The following SSPN variants were observed in gnomAD, a reference collection of about 807,000 sequenced individuals.
SSPN encodes the protein sarcospan.
Under a neutral mutation model 19.1 loss-of-function variants are expected in SSPN, and 15 were observed. The observed-to-expected ratio is 0.78, with a 90% CI of 0.52 to 1.21. The LOEUF (loss-of-function observed/expected upper bound fraction) is 1.21. SSPN is among the 50% of genes most tolerant of loss of function. The pLI is 0.00. For synonymous variants in SSPN, 147 were observed against 140.3 expected (o/e 1.05, Z -0.34); for missense variants, 291 against 314.0 (o/e 0.93, Z 0.55).
At chr12:26,142,411 A>G (rs1423014244) in intron 1 of SSPN, among the ~76,000 whole-genome samples, 2 of 152,186 alleles carry the variant, frequency 1.3e-5, no homozygotes, top group African/African-American at 2.4e-5. Flanking sequence ...GGTGCGTTCC[A>G]TGGGATTGGT....
chr12:26,190,991 C>T (rs925046206), upstream of SSPN, among the ~76,000 whole-genome samples: 10 of 152,184 alleles, frequency 6.6e-5, no homozygotes, highest in African/African-American at 2.4e-4. Flanking sequence ...AACTTTTATA[C>T]AAATGGAATT....
upstream of SSPN, among the ~76,000 whole-genome samples, chr12:26,193,905 CT>C: frequency 6.6e-6 from 1 of 152,330 alleles, no homozygotes; most frequent in South Asian, 2.1e-4. Flanking sequence ...GAAGTACATA[CT>C]TTTTGTCTTC....
chr12:26,212,447 T>C (rs933909865), intron 1 of SSPN, among the ~76,000 whole-genome samples: 4 of 152,112 alleles, frequency 2.6e-5, no homozygotes, highest in Non-Finnish European at 5.9e-5. Context: ...TTTTACCATC[T>C]TCTTTTAAAA....
chr12:26,144,641 T>C (rs1217129747), intron 1 of SSPN, among the ~76,000 whole-genome samples: 1 of 152,194 alleles, frequency 6.6e-6, no homozygotes, highest in East Asian at 1.9e-4. Flanking sequence ...ATACAACTTA[T>C]GGCAATTATT....
At chr12:26,209,795 C>CGTGTGT (rs56680376) in intron 1 of SSPN, among the ~76,000 whole-genome samples, 12 of 144,988 alleles carry the variant, frequency 8.3e-5, no homozygotes, top group Non-Finnish European at 1.2e-4. Context: ...ATTCTTAGAG[C>CGTGTGT]GTGTGTGTGT....
intron 1 of SSPN, among the ~76,000 whole-genome samples, chr12:26,146,972 A>C (rs978175425): frequency 6.6e-6 from 1 of 152,222 alleles, no homozygotes; most frequent in Non-Finnish European, 1.5e-5. Flanking sequence ...TAAAGCTTCA[A>C]TGTGCAGTGC....
chr12:26,193,286 G>C (rs1944800166), upstream of SSPN, among the ~76,000 whole-genome samples: 1 of 152,174 alleles, frequency 6.6e-6, no homozygotes, highest in Non-Finnish European at 1.5e-5. Flanking sequence ...TGGCTTTGGA[G>C]TTCACATCTG....
intron 1 of SSPN, chr12:26,134,859 A>C (rs1033795526): frequency 2.6e-5 from 4 of 152,234 alleles, no homozygotes; most frequent in African/African-American, 9.7e-5. Context: ...AGGATCATAA[A>C]ATGCTCCTGA....
intron 1 of SSPN, among the ~76,000 whole-genome samples, chr12:26,200,461 G>T (rs1280552504): frequency 6.6e-6 from 1 of 152,112 alleles, no homozygotes; most frequent in African/African-American, 2.4e-5. Flanking sequence ...TTTTAAAGCA[G>T]AATATACCAT....
At chr12:26,171,879 A>G (rs925825184) in intron 1 of SSPN, among the ~76,000 whole-genome samples, 1 of 152,198 alleles carries the variant, frequency 6.6e-6, no homozygotes, top group East Asian at 1.9e-4. Flanking sequence ...TGGAATTGGC[A>G]TCAGAAGCCA....
chr12:26,222,454 G>C (rs1294368724), intron 1 of SSPN, among the ~76,000 whole-genome samples: 11 of 152,192 alleles, frequency 7.2e-5, no homozygotes. Context: ...GCTGGCCCTG[G>C]GGTAGGAAAT....
At chr12:26,122,645 G>A (rs756489742) in intron 1 of SSPN, 9 of 1,325,504 alleles carry the variant, frequency 6.8e-6, no homozygotes, top group South Asian at 2.5e-5. Context: ...CCGGGCCGCC[G>A]CCGCTGCCGC....
intron 1 of SSPN, among the ~76,000 whole-genome samples, chr12:26,206,308 C>T (rs963765540): frequency 4.5e-4 from 68 of 152,022 alleles, no homozygotes; most frequent in Non-Finnish European, 2.1e-4. Context: ...ACTTTATGTT[C>T]CCTCATACTG....
At chr12:26,122,049 C>T (rs1944310104) in exon 1 of SSPN, 1 of 1,549,070 alleles carries the variant, frequency 6.5e-7, no homozygotes, top group South Asian at 1.2e-5. Flanking sequence ...AACCTCCGTC[C>T]TTCGGGACGC....
At chr12:26,226,510 T>C (rs373703938) in intron 2 of SSPN, among the ~76,000 whole-genome samples, 54 of 152,242 alleles carry the variant, frequency 3.5e-4, no homozygotes, top group African/African-American at 1.3e-3. Context: ...CTCTTTTTTT[T>C]TTCTCAAGCT....
chr12:26,176,797 C>A (rs1282399301), intron 1 of SSPN, among the ~76,000 whole-genome samples: 3 of 152,174 alleles, frequency 2.0e-5, no homozygotes, highest in Admixed American at 6.5e-5. Context: ...CCCAATTCTA[C>A]CCCCATTTCA....
chr12:26,209,321 A>G (rs1166003640), intron 1 of SSPN, among the ~76,000 whole-genome samples: 1 of 152,130 alleles, frequency 6.6e-6, no homozygotes, highest in Non-Finnish European at 1.5e-5. Flanking sequence ...CAGTTCTTGA[A>G]TGCTTGGGAA....
At position 26,189,903 on chromosome 12, in the gene SSPN, G is replaced by A. The variant is rs1192166161; in HGVS notation, c.-30-34390G>A. ...TTTTGGAACTTTTATATGGAGATGT[G>A]GATAGGTATTTGCATTTGCAGACCT... is the stretch of plus-strand genomic sequence containing the variant. On this transcript the variant is annotated intron_variant, in intron 1 of 2. Coordinates refer to the SSPN transcript ENST00000538142. 2.0e-5 allele frequency among the ~76,000 whole-genome samples: 3 copies of A among 152,152 alleles called. No homozygotes were observed. The East Asian group carries it at 5.8e-4, about 29-fold the overall frequency.
chr12:26,169,307 G>C (rs956135526), intron 1 of SSPN, among the ~76,000 whole-genome samples: 8 of 152,154 alleles, frequency 5.3e-5, no homozygotes, highest in African/African-American at 1.9e-4. Flanking sequence ...AGTAATGACA[G>C]CCACTCATAA....
Sources: allele counts gnomAD v4.1 joint callset (sites outside exome capture counted in the v4.1 genomes callset), GRCh38; gene constraint gnomAD v4.1.1; transcripts MANE v1.5; gene names NCBI Gene and HGNC (gene_info 2026-07-23, HGNC 2026-07-21).